Variants in SLC28A1 observed in about 807,000 individuals in gnomAD.
SLC28A1 encodes the protein sodium/nucleoside cotransporter 1.
Under a neutral mutation model 74.8 loss-of-function variants are expected in SLC28A1, and 64 were observed. That is an observed-to-expected ratio of 0.86 (90% CI 0.70 to 1.05). SLC28A1 has a LOEUF of 1.05. Ranked by LOEUF, SLC28A1 falls within the 50% of genes least tolerant of loss-of-function variation. The pLI is 0.00. For synonymous variants in SLC28A1, 359 were observed against 335.0 expected (o/e 1.07, Z -0.78); for missense variants, 828 against 822.8 (o/e 1.01, Z -0.08).
At chr15:84,900,615 A>G (rs750198432) in intron 6 of SLC28A1, among the ~76,000 whole-genome samples, 9 of 152,036 alleles carry the variant, frequency 5.9e-5, no homozygotes, top group Non-Finnish European at 7.4e-5. Context: ...CCCGAGTAAC[A>G]TCATAAGACC....
chr15:84,904,150 C>T lies in SLC28A1; in HGVS notation c.515C>T (p.Thr172Ile). 6.2e-7 allele frequency: 1 copy of T among 1,614,194 alleles called. No individual in the cohort carries two copies. The highest frequency in any genetic ancestry group is 8.5e-7 in the Non-Finnish European group (1 of 1,180,030). Residue 172 changes from threonine to isoleucine, a missense_variant, in exon 7 of 19, where the codon ACC (threonine) becomes ATC (isoleucine). This residue lies in a region of SLC28A1 where 767 missense variants were observed against 753.5 expected (regional missense o/e 1.02). Coordinates refer to ENST00000394573, the MANE Select transcript of SLC28A1 (RefSeq NM_004213.5). ...CTGGTCCTGTGGCTGTCTCTGGACA[C>T]CTCCCAGCGGCCTGAGCAACTGGTG... ...LGLVLWLSLD[T>I]SQRPEQLVSF...
In SLC28A1 at chr15:84,900,034, C is replaced by T. The variant is rs376486724; in HGVS notation, c.462-4063C>T. 1.0e-3 allele frequency among the ~76,000 whole-genome samples: 153 copies of T among 151,480 alleles called. 2 individuals are homozygous for T. The highest frequency in any genetic ancestry group is 3.0e-3 in the African/African-American group (126 of 41,354). On this transcript the variant is annotated intron_variant, in intron 6 of 18. Transcript: ENST00000394573. ...CAGGCAGGCAGGCAAGCAAGCCTGC[C>T]GGCCAGGTGTGGTAGCTCGTGTCTA...
chr15:84,972,626 C>T, the SLC28A1 span, among the ~76,000 whole-genome samples: 1 of 152,160 alleles, frequency 6.6e-6, no homozygotes, highest in Non-Finnish European at 1.5e-5. Context: ...CTCCTAGGCC[C>T]CCTTGCATCA....
chr15:84,939,093 G>C (rs970996102), intron 15 of SLC28A1, among the ~76,000 whole-genome samples: 8 of 152,176 alleles, frequency 5.3e-5, no homozygotes, highest in African/African-American at 1.9e-4. Flanking sequence ...GCTAAGGCAG[G>C]AGGCTCACTT....
At chr15:84,906,552 CTTTCTTTCTTTCTCTTTCTT>C (rs1567140254) in intron 8 of SLC28A1, among the ~76,000 whole-genome samples, 12 of 85,334 alleles carry the variant, frequency 1.4e-4, no homozygotes, top group African/African-American at 5.0e-4. Context: ...TTCTTTCTTT[CTTTCTTTCTTTCTCTTTCTT>C]TCTTCCTTCC....
chr15:84,973,280 C>T, the SLC28A1 span, among the ~76,000 whole-genome samples: 6 of 152,108 alleles, frequency 3.9e-5, no homozygotes, highest in South Asian at 2.1e-4. Context: ...CTAGTCCAGG[C>T]GGGATATTTT....
chr15:84,943,041 C>T (rs1167619786), intron 15 of SLC28A1, among the ~76,000 whole-genome samples: 1 of 152,004 alleles, frequency 6.6e-6, no homozygotes, highest in Non-Finnish European at 1.5e-5. Context: ...AAAAAGTTAG[C>T]CGGGCGTGGT....
chr15:84,970,354 C>T, the SLC28A1 span, among the ~76,000 whole-genome samples: 16 of 152,254 alleles, frequency 1.1e-4, no homozygotes, highest in African/African-American at 3.6e-4. Context: ...GTCACATGCC[C>T]GTGACTAACC....
At chr15:84,947,545 T>C (rs894249185), downstream of SLC28A1, among the ~76,000 whole-genome samples, 3 of 152,216 alleles carry the variant, frequency 2.0e-5, no homozygotes, top group Non-Finnish European at 4.4e-5. Flanking sequence ...ATACCATAAA[T>C]GGGATAGCTT....
chr15:84,924,021 G>T lies in SLC28A1; in HGVS notation c.994G>T (p.Asp332Tyr). ...ATTACTGATCCGGCCCTACTTGGCAGACATGACACTCTCTGAAGTCCACGT... is the reference window on the plus strand; with the variant it reads ...ATTACTGATCCGGCCCTACTTGGCATACATGACACTCTCTGAAGTCCACGT... ...APLLIRPYLADMTLSEVHVVM... is the reference protein window; with the variant it reads ...APLLIRPYLAYMTLSEVHVVM... Residue 332 changes from aspartate (D) to tyrosine (Y), a missense_variant, in exon 12 of 19, where the codon GAC becomes TAC. By Grantham distance (160) the Asp-to-Tyr change is radical. Transcript: ENST00000394573. The T allele has an allele frequency of 5.0e-6, 8 of 1,614,078 alleles. No individual in the cohort carries two copies. The highest frequency in any genetic ancestry group is 6.8e-6 in the Non-Finnish European group (8 of 1,180,020).
At chr15:84,896,998 TG>T (rs1008380855) in intron 6 of SLC28A1, among the ~76,000 whole-genome samples, 15 of 152,164 alleles carry the variant, frequency 9.9e-5, no homozygotes, top group African/African-American at 3.6e-4. Flanking sequence ...ACCAGTGGTT[TG>T]GGGTTTCTCT....
the SLC28A1 span, among the ~76,000 whole-genome samples, chr15:84,952,933 A>C: frequency 6.6e-6 from 1 of 152,246 alleles, no homozygotes. Flanking sequence ...CTTTATAAAC[A>C]AAAGATTGCT....
At chr15:84,912,425 A>G (rs982313731) in intron 9 of SLC28A1, among the ~76,000 whole-genome samples, 1 of 152,132 alleles carries the variant, frequency 6.6e-6, no homozygotes, top group Non-Finnish European at 1.5e-5. Flanking sequence ...TCTGGGGGGA[A>G]GTAAAGTCTC....
chr15:84,924,106 T>C lies in SLC28A1; in HGVS notation c.1079T>C (p.Phe360Ser), dbSNP rs200620734. 3.1e-6 allele frequency: 5 copies of C among 1,612,780 alleles called. No individual in the cohort carries two copies. The highest frequency in any genetic ancestry group is 1.1e-5 in the South Asian group (1 of 91,050). The change falls in exon 12 of 19, where the codon TTT becomes TCT. Residue 360 changes from phenylalanine (F) to serine (S), a missense_variant. Coordinates refer to ENST00000394573, the MANE Select transcript of SLC28A1 (RefSeq NM_004213.5). ...AGCCTGCTGGGTGCCTACATCTCCT[T>C]TGGGGTAGGTAGAGCCCTCCTTCTG... ...AGSLLGAYIS[F>S]GIDATSLIAA...
chr15:84,953,735 A>G, the SLC28A1 span, among the ~76,000 whole-genome samples: 2 of 152,212 alleles, frequency 1.3e-5, no homozygotes, highest in Non-Finnish European at 2.9e-5. Flanking sequence ...AATAAATAAG[A>G]AAAGTAGAAA....
At chr15:84,894,868 C>T (rs1018753389) in intron 5 of SLC28A1, 72 bp from the exon 6 acceptor site, 17 of 1,470,304 alleles carry the variant, frequency 1.2e-5, no homozygotes, top group East Asian at 9.0e-5. Flanking sequence ...AGGTGGAGTC[C>T]GCGGGCGGGG....
chr15:84,932,003 G>GAA (rs112944998), intron 12 of SLC28A1, among the ~76,000 whole-genome samples: 3 of 150,930 alleles, frequency 2.0e-5, no homozygotes, highest in Non-Finnish European at 3.0e-5. Context: ...CTCTGTCTTG[G>GAA]AAAAAAAAAT....
intron 6 of SLC28A1, among the ~76,000 whole-genome samples, chr15:84,900,279 G>A (rs71408844): frequency 0.13 from 15,302 of 115,392 alleles, 1,039 homozygotes; most frequent in Admixed American, 0.2. Flanking sequence ...GCAGTGAGCC[G>A]AGATCACGCC....
At chr15:84,969,727 A>G in the SLC28A1 span, among the ~76,000 whole-genome samples, 2 of 152,156 alleles carry the variant, frequency 1.3e-5, no homozygotes, top group Non-Finnish European at 2.9e-5. Context: ...CTTAGAAACA[A>G]TAACTATTTA....
Sources: gnomAD v4.1 joint callset for allele counts (sites outside exome capture counted in the v4.1 genomes callset) on GRCh38, gnomAD v4.1.1 for gene constraint, gnomAD v4.1.1 regional missense constraint, MANE v1.5 for transcripts, NCBI Gene and HGNC (gene_info 2026-07-23, HGNC 2026-07-21) for gene names.